The following SH3PXD2B variants were observed in gnomAD, a reference collection of about 807,000 sequenced individuals.
The protein encoded by SH3PXD2B is SH3 and PX domains 2B, also known as SH3 and PX domain-containing protein 2B.
Under a neutral mutation model 73.1 loss-of-function variants are expected in SH3PXD2B, and 37 were observed. That is an observed-to-expected ratio of 0.51 (90% confidence interval 0.39 to 0.67). The LOEUF (loss-of-function observed/expected upper bound fraction) is 0.67. Ranked by LOEUF, SH3PXD2B falls within the 30% of genes least tolerant of loss-of-function variation. The pLI is 0.00. For missense variants in SH3PXD2B, 1,053 were observed against 1,197.8 expected, an observed-to-expected ratio of 0.88 and a Z score of 1.78; for synonymous variants, 457 against 480.5, an observed-to-expected ratio of 0.95 and a Z score of 0.64.
chr5:172,373,866 T>C (rs199630931), intron 5 of SH3PXD2B, 51 bp from the exon 6 acceptor site: 5 of 1,591,116 alleles, frequency 3.1e-6, no homozygotes, highest in East Asian at 4.5e-5. Flanking sequence ...GTACTTGCCA[T>C]GTATTGACGT....
chr5:172,396,944 A>G (rs1758315937), intron 3 of SH3PXD2B, among the ~76,000 whole-genome samples: 1 of 152,238 alleles, frequency 6.6e-6, no homozygotes, highest in African/African-American at 2.4e-5. Flanking sequence ...TCTGTCTCAA[A>G]AAAAGAAAGA....
Position 172,353,739 on chromosome 5 carries a change from A to G in SH3PXD2B, c.785+149T>C. The G allele has an allele frequency of 1.4e-6, 1 of 732,674 alleles. No homozygotes were observed. Among genetic ancestry groups the G allele is most frequent in the Non-Finnish European group, 2.5e-6 (1 of 403,964 alleles). The allele number at this position is 732,674 out of a possible 1,614,324, so 45.4% of individuals were successfully genotyped here. A position where few individuals can be genotyped will look rare whatever the true frequency, so the allele number is the denominator to read the frequency against. On this transcript the variant is annotated intron_variant, in intron 9 of 12. Coordinates refer to ENST00000311601, the MANE Select transcript of SH3PXD2B (RefSeq NM_001017995.3). The surrounding 1 kb of genome is among the most constrained non-coding windows in gnomAD (Gnocchi z 4.3). ...TAGGGAGGGAGGCCACACAACACAG[A>G]GGAGAAGTATCCTTTTATGGTTCAG...
chr5:172,395,772 G>A (rs1758278874), intron 3 of SH3PXD2B, among the ~76,000 whole-genome samples: 1 of 132,606 alleles, frequency 7.5e-6, no homozygotes, highest in Admixed American at 8.0e-5. Flanking sequence ...CCAAAGACAT[G>A]GGAGATGGAG....
At chr5:172,385,114 C>T (rs1758030390) in intron 4 of SH3PXD2B, among the ~76,000 whole-genome samples, 1 of 152,108 alleles carries the variant, frequency 6.6e-6, no homozygotes, top group Non-Finnish European at 1.5e-5. Context: ...AGTGGTCATT[C>T]TCCTGGCCTG....
At chr5:172,402,154 AATGGCCACT>A (rs1758433103) in intron 3 of SH3PXD2B, among the ~76,000 whole-genome samples, 2 of 152,160 alleles carry the variant, frequency 1.3e-5, no homozygotes, top group Non-Finnish European at 2.9e-5. Context: ...AGGTATCTGA[AATGGCCACT>A]CTGGGAACGT....
chr5:172,391,633 T>C (rs763171167), intron 4 of SH3PXD2B, among the ~76,000 whole-genome samples: 1 of 152,170 alleles, frequency 6.6e-6, no homozygotes, highest in Non-Finnish European at 1.5e-5. Flanking sequence ...CGGCTAGTTT[T>C]TGTATTTTTA....
intron 6 of SH3PXD2B, among the ~76,000 whole-genome samples, chr5:172,368,674 A>G (rs1204621712): frequency 2.6e-5 from 1 of 38,598 alleles, no homozygotes; most frequent in Non-Finnish European, 3.7e-5. Flanking sequence ...ATATATATAT[A>G]AAATATATAT....
chr5:172,427,245 T>C (rs1241625422), intron 1 of SH3PXD2B, among the ~76,000 whole-genome samples: 1 of 152,170 alleles, frequency 6.6e-6, no homozygotes, highest in East Asian at 1.9e-4. Flanking sequence ...CCGGTCACAA[T>C]AGAACAAATA....
intron 1 of SH3PXD2B, among the ~76,000 whole-genome samples, chr5:172,426,174 C>T (rs1318655713): frequency 3.3e-5 from 5 of 152,202 alleles, no homozygotes; most frequent in Admixed American, 3.3e-4. Context: ...TGCAGCAAGC[C>T]TAATTGGTTT....
intron 4 of SH3PXD2B, among the ~76,000 whole-genome samples, chr5:172,384,672 G>A (rs1758020192): frequency 6.6e-6 from 1 of 152,242 alleles, no homozygotes; most frequent in Non-Finnish European, 1.5e-5. Flanking sequence ...CATGCTTGCA[G>A]CAGGCGTAAA....
intron 6 of SH3PXD2B, among the ~76,000 whole-genome samples, chr5:172,365,586 C>A (rs1304717737): frequency 7.2e-6 from 1 of 138,420 alleles, no homozygotes; most frequent in Non-Finnish European, 1.5e-5. Flanking sequence ...TCCTCCACTT[C>A]CCCCGAGGTC....
At position 172,362,300 on chromosome 5, in the gene SH3PXD2B, G is replaced by GT. The variant is rs1757419673; in HGVS notation, c.562+434dup. On this transcript the variant is annotated intron_variant, in intron 7 of 12. Transcript: ENST00000311601. ...ACATTCTGTCCCAGACCCAGCCAGT[G>GT]TTCATGACCAGTGGTCCCTGTGATG... Among the ~76,000 whole-genome samples the GT allele has an allele frequency of 2.0e-5, 3 of 152,302 alleles. No individual in the cohort carries two copies. The South Asian group carries it at 6.2e-4, about 32-fold the overall frequency.
At chr5:172,393,725 C>T (rs1204726967) in intron 4 of SH3PXD2B, among the ~76,000 whole-genome samples, 1 of 152,144 alleles carries the variant, frequency 6.6e-6, no homozygotes, top group Admixed American at 6.6e-5. Flanking sequence ...CTTGGAGAAA[C>T]AAATACCAAA....
At chr5:172,404,399 T>C (rs1170943269) in intron 3 of SH3PXD2B, among the ~76,000 whole-genome samples, 4 of 151,772 alleles carry the variant, frequency 2.6e-5, no homozygotes, top group Admixed American at 2.6e-4. Context: ...ACTGCCCGGG[T>C]TCAAGCCTCA....
intron 5 of SH3PXD2B, among the ~76,000 whole-genome samples, chr5:172,376,513 T>C (rs1398252988): frequency 2.6e-5 from 4 of 152,216 alleles, no homozygotes; most frequent in Non-Finnish European, 4.4e-5. Context: ...TTAACCACCA[T>C]GTAATAATGC....
At position 172,401,180 on chromosome 5, in the gene SH3PXD2B, C is replaced by T. The variant is rs576045883; in HGVS notation, c.232+5097G>A. ...GGCTTGGAGATTGGGTGGTGAGTCT[C>T]GAACATCACATTCAAATGCAGTGTG... is the stretch of plus-strand genomic sequence containing the variant. On this transcript the variant is annotated intron_variant, in intron 3 of 12. Transcript: ENST00000311601. Among the ~76,000 whole-genome samples the T allele has an allele frequency of 1.1e-4, 17 of 152,266 alleles. No individual in the cohort carries two copies. In the South Asian group the frequency reaches 2.9e-3, roughly 26 times the overall value.
intron 3 of SH3PXD2B, among the ~76,000 whole-genome samples, chr5:172,401,538 A>G (rs1758420597): frequency 6.6e-6 from 1 of 152,212 alleles, no homozygotes; most frequent in African/African-American, 2.4e-5. Context: ...AGAATCCGGC[A>G]TCAAAATTGA....
At chr5:172,344,529 A>C (rs765983730) in intron 12 of SH3PXD2B, among the ~76,000 whole-genome samples, 41 of 136,902 alleles carry the variant, frequency 3.0e-4, no homozygotes, top group Non-Finnish European at 5.4e-4. Flanking sequence ...CGGAGGTTGC[A>C]GTGAGCTGAG....
intron 2 of SH3PXD2B, among the ~76,000 whole-genome samples, 158 bp downstream of exon 2, chr5:172,422,258 G>A (rs1392921478): frequency 6.6e-6 from 1 of 152,160 alleles, no homozygotes; most frequent in East Asian, 1.9e-4. Flanking sequence ...GCCTCCCAAA[G>A]TGCTGGGATT....
Sources: gnomAD v4.1 joint callset for allele counts (sites outside exome capture counted in the v4.1 genomes callset) on GRCh38, gnomAD v4.1.1 for gene constraint, Gnocchi (gnomAD v3.1) non-coding constraint, MANE v1.5 for transcripts, NCBI Gene and HGNC (gene_info 2026-07-23, HGNC 2026-07-21) for gene names.